The following TLE4 variants were observed in gnomAD, a reference collection of about 807,000 sequenced individuals.
TLE4 encodes the protein TLE family member 4, transcriptional corepressor.
Under a neutral mutation model 92.8 loss-of-function variants are expected in TLE4, and 8 were observed. The ratio of observed to expected loss-of-function variants is 0.09; its 90% confidence interval spans 0.05 to 0.16. The LOEUF (loss-of-function observed/expected upper bound fraction) is 0.16, where lower values mean the gene tolerates loss of function less well. Among genes scored for constraint, TLE4 ranks in the 10% least tolerant of loss-of-function variants. The pLI is 1.00. For missense variants in TLE4, 675 were observed against 997.6 expected (o/e 0.68, Z 4.36); for synonymous variants, 371 against 374.1 (o/e 0.99, Z 0.10).
Position 79,683,035 on chromosome 9 carries a change from A to C in TLE4, c.610-21748A>C, listed in dbSNP as rs569684641. On this transcript the variant is annotated intron_variant, in intron 8 of 19. Coordinates refer to ENST00000376552, the MANE Select transcript of TLE4 (RefSeq NM_007005.6). ...GGCCTGTAAGGGAAAAATAGTTTTT[A>C]CATCTTTGACAGGGCATAAACAAGT... Among the ~76,000 whole-genome samples the C allele has an allele frequency of 9.2e-5, 14 of 152,220 alleles. 1 individual carries two copies. Among genetic ancestry groups the C allele is most frequent in the Non-Finnish European group, 1.9e-4 (13 of 68,028 alleles).
At chr9:79,573,137 C>A in intron 1 of TLE4, 5 of 693,282 alleles carry the variant, frequency 7.2e-6, no homozygotes, top group Non-Finnish European at 9.6e-6. Context: ...GGGTGGCGAG[C>A]GATGAAGGAG....
intron 4 of TLE4, among the ~76,000 whole-genome samples, chr9:79,588,135 C>CGT (rs71364418): frequency 0.045 from 6,588 of 146,764 alleles, 196 homozygotes; most frequent in Non-Finnish European, 0.064. Context: ...TTTATCCTTG[C>CGT]GTGTGTGTGT....
At chr9:79,675,283 C>A (rs1266126665) in intron 8 of TLE4, among the ~76,000 whole-genome samples, 2 of 152,092 alleles carry the variant, frequency 1.3e-5, no homozygotes, top group Non-Finnish European at 2.9e-5. Context: ...ATTCCATTCC[C>A]TTTTTCCCTG....
At chr9:79,585,331 G>A (rs958349456) in intron 4 of TLE4, among the ~76,000 whole-genome samples, 2 of 152,096 alleles carry the variant, frequency 1.3e-5, no homozygotes, top group Non-Finnish European at 2.9e-5. Flanking sequence ...TCAGCTAGCC[G>A]GTAAAATAGA....
intron 8 of TLE4, among the ~76,000 whole-genome samples, chr9:79,692,599 CT>C (rs1254055446): frequency 6.6e-6 from 1 of 152,142 alleles, no homozygotes; most frequent in African/African-American, 2.4e-5. Flanking sequence ...CTACCATAAA[CT>C]GGGTAGCTTA....
chr9:79,682,005 G>A (rs2064797264), intron 8 of TLE4, among the ~76,000 whole-genome samples: 1 of 152,036 alleles, frequency 6.6e-6, no homozygotes, highest in Admixed American at 6.6e-5. Context: ...GGTGTCTCAT[G>A]TAACCTGTTA....
chr9:79,627,484 G>A, intron 6 of TLE4, 36 bp downstream of exon 6: 1 of 1,596,864 alleles, frequency 6.3e-7, no homozygotes, highest in Non-Finnish European at 8.6e-7. Context: ...TGATCTTAGT[G>A]TTTGTCATCA....
At chr9:79,635,420 T>C (rs1478431017) in intron 6 of TLE4, among the ~76,000 whole-genome samples, 1 of 152,092 alleles carries the variant, frequency 6.6e-6, no homozygotes, top group Non-Finnish European at 1.5e-5. Flanking sequence ...GCTTTTTTTT[T>C]CCTTTATGGA....
At chr9:79,611,705 T>TA (rs879695599) in intron 4 of TLE4, among the ~76,000 whole-genome samples, 55 of 151,806 alleles carry the variant, frequency 3.6e-4, no homozygotes, top group Admixed American at 8.6e-4. Flanking sequence ...GTACGTGTAT[T>TA]AAAAAAAACT....
At chr9:79,582,782 C>A (rs1396377634) in intron 4 of TLE4, among the ~76,000 whole-genome samples, 1 of 151,986 alleles carries the variant, frequency 6.6e-6, no homozygotes, top group Non-Finnish European at 1.5e-5. Context: ...TCTACACACC[C>A]TCTTAAAATG....
intron 8 of TLE4, among the ~76,000 whole-genome samples, chr9:79,679,813 C>G (rs899484992): frequency 4.6e-5 from 7 of 152,008 alleles, no homozygotes; most frequent in African/African-American, 1.7e-4. Flanking sequence ...AGGAAGGGAT[C>G]CAGTTTCAGC....
rs372550413 is a variant in TLE4 at position 79,701,091 on chromosome 9, C to A, written c.610-3692C>A. Among the ~76,000 whole-genome samples, 23 of 152,210 alleles carry A rather than the reference C, an allele frequency of 1.5e-4. No homozygotes were observed. The East Asian group carries it at 2.5e-3, about 17-fold the overall frequency. ...TTATTTAATTCCTCTTATTCACATGCCTAGCAAAGATCCAAGTGGCATTCC... is the reference window on the plus strand; with the variant it reads ...TTATTTAATTCCTCTTATTCACATGACTAGCAAAGATCCAAGTGGCATTCC... On this transcript the variant is annotated intron_variant, in intron 8 of 19. Transcript: ENST00000376552.
intron 6 of TLE4, among the ~76,000 whole-genome samples, chr9:79,650,247 C>G (rs562941839): frequency 4.1e-4 from 62 of 152,098 alleles, no homozygotes; most frequent in Non-Finnish European, 7.4e-4. Context: ...GTAATAGATA[C>G]ATTTTTAAAA....
rs1033528476 is a variant in TLE4, at chr9:79,717,957, G to A, written c.1341-765G>A. ...TTCAGTGCCCTAAAAATAAAAATGA[G>A]TCTGTTGGGGGAGACGCTCTTACTT... On this transcript the variant is annotated intron_variant, in intron 14 of 19. Coordinates refer to ENST00000376552, the MANE Select transcript of TLE4 (RefSeq NM_007005.6). 6.6e-6 allele frequency: 3 copies of A among 456,336 alleles called. No individual in the cohort carries two copies. The East Asian group carries it at 2.1e-4, about 32-fold the overall frequency. The allele number at this position is 456,336 out of a possible 1,614,324, so 28.3% of individuals were successfully genotyped here. A position where few individuals can be genotyped will look rare whatever the true frequency, so the allele number is the denominator to read the frequency against.
intron 1 of TLE4, chr9:79,573,427 A>G: frequency 1.7e-6 from 2 of 1,182,078 alleles, no homozygotes; most frequent in East Asian, 3.7e-5. Flanking sequence ...TTGGCCGGGG[A>G]GGGGAGACGG....
Position 79,634,625 on chromosome 9 carries a change from A to G in TLE4, c.390+7177A>G, listed in dbSNP as rs542844678. Among the ~76,000 whole-genome samples the G allele has an allele frequency of 1.3e-3, 204 of 152,132 alleles. 2 individuals are homozygous for G. The highest frequency in any genetic ancestry group is 3.8e-3 in the Admixed American group (58 of 15,270). On this transcript the variant is annotated intron_variant, in intron 6 of 19. Coordinates refer to ENST00000376552, the MANE Select transcript of TLE4 (RefSeq NM_007005.6). ...ATACAGGATAGTTCCCTCCACCCCA[A>G]TCCCTTGTTACTCTTTGTAGTCAGT...
chr9:79,683,787 G>A (rs1393895845), intron 8 of TLE4, among the ~76,000 whole-genome samples: 1 of 152,150 alleles, frequency 6.6e-6, no homozygotes, highest in African/African-American at 2.4e-5. Context: ...GTGACCTTAA[G>A]CAGTCACCTA....
At chr9:79,704,364 T>C (rs924894990) in intron 8 of TLE4, among the ~76,000 whole-genome samples, 5 of 152,158 alleles carry the variant, frequency 3.3e-5, no homozygotes, top group Non-Finnish European at 7.4e-5. Flanking sequence ...CTGCCCGCCT[T>C]GGCTTCCCAA....
At chr9:79,660,881 C>T (rs1006553543) in intron 8 of TLE4, among the ~76,000 whole-genome samples, 4 of 152,170 alleles carry the variant, frequency 2.6e-5, no homozygotes, top group Admixed American at 6.5e-5. Flanking sequence ...CCTCCTCCGC[C>T]GATCGCTGAA....
Sources: allele counts gnomAD v4.1 joint callset (sites outside exome capture counted in the v4.1 genomes callset), GRCh38; gene constraint gnomAD v4.1.1; transcripts MANE v1.5; gene names NCBI Gene and HGNC (gene_info 2026-07-23, HGNC 2026-07-21).